The following PLCL1 variants were observed in gnomAD, a reference collection of about 807,000 sequenced individuals.
PLCL1 encodes the protein inactive phospholipase C-like protein 1.
In PLCL1, 41 loss-of-function variants were observed where a neutral mutation model predicts 84.4. That is an observed-to-expected ratio of 0.49 (90% CI 0.38 to 0.63). The LOEUF (loss-of-function observed/expected upper bound fraction) is 0.63, where lower values mean the gene tolerates loss of function less well. Ranked by LOEUF, PLCL1 falls within the 30% of genes least tolerant of loss-of-function variation. The probability of loss-of-function intolerance (pLI) is 0.00; values close to 1 mark genes in which losing one functional copy is unlikely to be tolerated. For missense variants in PLCL1, 1,206 were observed against 1,367.8 expected, an observed-to-expected ratio of 0.88 and a Z score of 1.87; for synonymous variants, 490 against 488.3, an observed-to-expected ratio of 1.00 and a Z score of -0.05.
chr2:197,974,368 A>G (rs540209584), intron 1 of PLCL1, among the ~76,000 whole-genome samples: 1 of 152,264 alleles, frequency 6.6e-6, no homozygotes, highest in Non-Finnish European at 1.5e-5. Flanking sequence ...AGTTTAAACC[A>G]GTCCTGTAAT....
intron 1 of PLCL1, among the ~76,000 whole-genome samples, chr2:197,844,956 T>C (rs1261267416): frequency 6.6e-6 from 1 of 152,064 alleles, no homozygotes; most frequent in African/African-American, 2.4e-5. Flanking sequence ...AGTGCAAGGA[T>C]ATTGGAGGAC....
chr2:198,046,633 C>T (rs1227400096), intron 1 of PLCL1, among the ~76,000 whole-genome samples: 1 of 152,086 alleles, frequency 6.6e-6, no homozygotes, highest in African/African-American at 2.4e-5. Flanking sequence ...AGCTCAGGAG[C>T]TCGAGACCAG....
At chr2:198,032,579 A>G (rs1483572276) in intron 1 of PLCL1, among the ~76,000 whole-genome samples, 2 of 152,168 alleles carry the variant, frequency 1.3e-5, no homozygotes, top group Non-Finnish European at 2.9e-5. Context: ...TTAGGCCAGT[A>G]CATCTCAAAT....
Position 198,148,135 on chromosome 2 carries a change from A to C in PLCL1, c.*1173A>C, listed in dbSNP as rs905175268. The C allele has an allele frequency of 4.6e-5, 7 of 152,288 alleles. No homozygotes were observed. The highest frequency in any genetic ancestry group is 8.8e-5 in the Non-Finnish European group (6 of 68,006). The allele number at this position is 152,288 out of a possible 1,614,324, so 9.4% of individuals were successfully genotyped here. A position where few individuals can be genotyped will look rare whatever the true frequency, so the allele number is the denominator to read the frequency against. ...TAATTTTTACCCTAATGTCTTCATA[A>C]AGTACTTGAGTGTAATGTTTGTTAC... On this transcript the variant is annotated 3_prime_UTR_variant, in exon 6 of 6. Transcript: ENST00000428675.
At chr2:197,948,938 A>T (rs1689334457) in intron 1 of PLCL1, among the ~76,000 whole-genome samples, 1 of 152,064 alleles carries the variant, frequency 6.6e-6, no homozygotes, top group African/African-American at 2.4e-5. Flanking sequence ...CTCTGATCAT[A>T]TGTTTGCCCT....
intron 1 of PLCL1, among the ~76,000 whole-genome samples, chr2:198,074,605 CT>C (rs1692536137): frequency 6.6e-6 from 1 of 152,146 alleles, no homozygotes; most frequent in Admixed American, 6.5e-5. Flanking sequence ...AGCCACTGCA[CT>C]CCAGCCTGAG....
At chr2:198,015,749 G>A (rs1351881462) in intron 1 of PLCL1, among the ~76,000 whole-genome samples, 1 of 152,052 alleles carries the variant, frequency 6.6e-6, no homozygotes, top group Non-Finnish European at 1.5e-5. Context: ...TGGTCACGGT[G>A]GTGGTAACCT....
In PLCL1 at chr2:197,805,176, G is replaced by A; in HGVS notation, c.77G>A (p.Gly26Asp). The stretch of plus-strand genomic sequence containing the variant: ...GGGGGCGAAGACGACCCCCGAGTGG[G>A]CCCGGATGCCGCCGGGGACTGCGTG... ...AAGGEDDPRV[G>D]PDAAGDCVTA... The change falls in exon 1 of 6, where the codon GGC becomes GAC. Residue 26 changes from glycine (G) to aspartate (D), a missense_variant. Gly to Asp is a moderately conservative substitution (Grantham distance 94, BLOSUM62 -1). Transcript: ENST00000428675. The surrounding 1 kb of genome is among the most constrained non-coding windows in gnomAD (Gnocchi z 4.0). 7.8e-7 allele frequency: 1 copy of A among 1,290,014 alleles called. No homozygotes were observed. Among genetic ancestry groups the A allele is most frequent in the Non-Finnish European group, 9.8e-7 (1 of 1,021,986 alleles). The allele number at this position is 1,290,014 out of a possible 1,614,324, so 79.9% of individuals were successfully genotyped here.
At chr2:197,824,469 T>C (rs1182514732) in intron 1 of PLCL1, among the ~76,000 whole-genome samples, 1 of 151,910 alleles carries the variant, frequency 6.6e-6, no homozygotes, top group Non-Finnish European at 1.5e-5. Context: ...ATCCAAACAC[T>C]TTGGGGAGCT....
chr2:198,045,220 G>A (rs1054347542), intron 1 of PLCL1, among the ~76,000 whole-genome samples: 2 of 152,046 alleles, frequency 1.3e-5, no homozygotes, highest in Admixed American at 1.3e-4. Context: ...TCCTTTTGTT[G>A]TCAAGTTATT....
intron 5 of PLCL1, among the ~76,000 whole-genome samples, chr2:198,130,404 C>T (rs1039291000): frequency 6.6e-6 from 1 of 152,160 alleles, no homozygotes; most frequent in Non-Finnish European, 1.5e-5. Context: ...CTGGGGGACA[C>T]AGTTCATGCA....
intron 3 of PLCL1, among the ~76,000 whole-genome samples, chr2:198,096,922 C>T (rs1185926562): frequency 3.9e-5 from 6 of 152,058 alleles, no homozygotes; most frequent in African/African-American, 1.4e-4. Flanking sequence ...AGTGTTATAA[C>T]CAGTATATAT....
intron 1 of PLCL1, among the ~76,000 whole-genome samples, chr2:198,041,786 T>C (rs1160925164): frequency 6.6e-6 from 1 of 152,190 alleles, no homozygotes; most frequent in Non-Finnish European, 1.5e-5. Context: ...TAAATAGGAC[T>C]GGTAAGTGGA....
At chr2:197,956,442 G>A (rs938044893) in intron 1 of PLCL1, among the ~76,000 whole-genome samples, 1 of 152,148 alleles carries the variant, frequency 6.6e-6, no homozygotes, top group African/African-American at 2.4e-5. Context: ...ACCCAGTAAT[G>A]GGATTACGGG....
chr2:197,849,876 G>C, intron 1 of PLCL1, among the ~76,000 whole-genome samples: 1 of 152,162 alleles, frequency 6.6e-6, no homozygotes, highest in Admixed American at 6.5e-5. Flanking sequence ...AGTGAGAGTA[G>C]ATTATCATTT....
rs542849293 is a variant in PLCL1, at chr2:198,054,489, C to A, written c.241-29269C>A. 5.3e-5 allele frequency among the ~76,000 whole-genome samples: 8 copies of A among 152,274 alleles called. No individual in the cohort carries two copies. In the South Asian group the frequency reaches 1.7e-3, roughly 32 times the overall value. Reference sequence around the variant, plus strand: ...AGTGTGTGGCCCAGAAGGGAATGCCCCCTGGTGGCTTGCTAAGCCTGGAAC... The same window carrying A: ...AGTGTGTGGCCCAGAAGGGAATGCCACCTGGTGGCTTGCTAAGCCTGGAAC... On this transcript the variant is annotated intron_variant, in intron 1 of 5. Transcript: ENST00000428675.
intron 1 of PLCL1, among the ~76,000 whole-genome samples, chr2:197,884,015 C>T (rs973157715): frequency 9.9e-5 from 15 of 152,266 alleles, no homozygotes; most frequent in African/African-American, 3.6e-4. Context: ...TTGACTTTGG[C>T]AAGTAACTTC....
intron 5 of PLCL1, among the ~76,000 whole-genome samples, chr2:198,133,928 A>G (rs1438103184): frequency 6.6e-6 from 1 of 152,158 alleles, no homozygotes; most frequent in African/African-American, 2.4e-5. Flanking sequence ...GTGAATGTTA[A>G]TTTCTTTGGG....
At chr2:197,908,962 T>C (rs1688434916) in intron 1 of PLCL1, among the ~76,000 whole-genome samples, 2 of 152,350 alleles carry the variant, frequency 1.3e-5, no homozygotes, top group South Asian at 4.1e-4. Context: ...TAATGGTTAT[T>C]TAAAAGTCTG....
Sources: allele counts gnomAD v4.1 joint callset (sites outside exome capture counted in the v4.1 genomes callset), GRCh38; gene constraint gnomAD v4.1.1; non-coding constraint Gnocchi (gnomAD v3.1); transcripts MANE v1.5; gene names NCBI Gene and HGNC (gene_info 2026-07-23, HGNC 2026-07-21).